Variants in RYR2 observed in about 807,000 individuals in gnomAD.
RYR2 encodes ryanodine receptor 2.
Under a neutral mutation model 601.1 loss-of-function variants are expected in RYR2, and 227 were observed. The observed-to-expected ratio is 0.38, with a 90% CI of 0.34 to 0.42. RYR2 has a LOEUF of 0.42. RYR2 is among the 10% of genes least tolerant of loss of function. RYR2 has a pLI of 1.00. For missense variants in RYR2, 4,646 were observed against 6,156.5 expected (o/e 0.75, Z 8.21); for synonymous variants, 2,223 against 2,175.1 (o/e 1.02, Z -0.61).
At chr1:237,520,934 G>C (rs1667024355) in intron 24 of RYR2, among the ~76,000 whole-genome samples, 1 of 152,052 alleles carries the variant, frequency 6.6e-6, no homozygotes, top group African/African-American at 2.4e-5. Context: ...TACTCAAGGA[G>C]GCTGAGGCAG....
At position 237,163,005 on chromosome 1, in the gene RYR2, G is replaced by A. The variant is rs139257137; in HGVS notation, c.49-107492G>A. Among the ~76,000 whole-genome samples, 480 of 152,296 alleles carry A rather than the reference G, an allele frequency of 3.2e-3. 5 individuals are homozygous for A. Among genetic ancestry groups the A allele is most frequent in the African/African-American group, 0.011 (457 of 41,558 alleles). ...ATCAGAAACTCCATCTGCTTATCCA[G>A]TGCTATTTGATATTATAGTTATTAT... On this transcript the variant is annotated intron_variant, in intron 1 of 104. Transcript: ENST00000366574.
At chr1:237,065,269 CTTTTTTTTT>C (rs766039441) in intron 1 of RYR2, among the ~76,000 whole-genome samples, 1,334 of 77,344 alleles carry the variant, frequency 0.017, 27 homozygotes, top group African/African-American at 0.066. Context: ...GTGTGCTATC[CTTTTTTTTT>C]TTTTTTTTTT....
chr1:237,422,376 C>G (rs1227774758), intron 11 of RYR2, among the ~76,000 whole-genome samples: 1 of 152,136 alleles, frequency 6.6e-6, no homozygotes, highest in African/African-American at 2.4e-5. Context: ...TAACAACATT[C>G]AGTATCCTTC....
At chr1:237,730,163 T>G in intron 76 of RYR2, 97 bp from the exon 77 acceptor site, 1 of 705,416 alleles carries the variant, frequency 1.4e-6, no homozygotes, top group Non-Finnish European at 2.6e-6. Context: ...TATTTTACAC[T>G]TTCAGTGCAC....
intron 1 of RYR2, among the ~76,000 whole-genome samples, chr1:237,126,250 A>T (rs1571930014): frequency 6.6e-6 from 1 of 151,908 alleles, no homozygotes; most frequent in Non-Finnish European, 1.5e-5. Flanking sequence ...AAAAAAAAAA[A>T]AATTGAATAG....
At chr1:237,100,199 A>G (rs1000329361) in intron 1 of RYR2, among the ~76,000 whole-genome samples, 5 of 152,164 alleles carry the variant, frequency 3.3e-5, no homozygotes, top group African/African-American at 4.8e-5. Flanking sequence ...ATAAAATGAA[A>G]AAGCAAAGAA....
chr1:237,574,522 A>G (rs760201671), intron 29 of RYR2, among the ~76,000 whole-genome samples: 12 of 152,214 alleles, frequency 7.9e-5, no homozygotes, highest in Admixed American at 2.0e-4. Flanking sequence ...AGTTAGTCAA[A>G]TAGAGATTAT....
intron 86 of RYR2, among the ~76,000 whole-genome samples, chr1:237,773,052 G>A (rs1022234497): frequency 3.3e-5 from 5 of 152,002 alleles, no homozygotes; most frequent in African/African-American, 1.2e-4. Context: ...GTTTCCTCAG[G>A]GACAGACACA....
At chr1:237,500,601 G>A (rs1664531628) in intron 20 of RYR2, 110 bp from the exon 21 acceptor site, 5 of 805,906 alleles carry the variant, frequency 6.2e-6, no homozygotes, top group Middle Eastern at 2.5e-4. Context: ...TCCTTCTGAT[G>A]TTGTGCATTG....
At chr1:237,748,895 A>G (rs1692304535) in intron 80 of RYR2, among the ~76,000 whole-genome samples, 1 of 152,232 alleles carries the variant, frequency 6.6e-6, no homozygotes, top group Admixed American at 6.5e-5. Flanking sequence ...TAAACAATAC[A>G]GCAGAACAAC....
chr1:237,693,208 G>GT (rs201974638), intron 63 of RYR2, among the ~76,000 whole-genome samples: 5,087 of 140,322 alleles, frequency 0.036, 169 homozygotes, highest in African/African-American at 0.1. Flanking sequence ...TGAGAATCAT[G>GT]TTTTTTTTTT....
intron 1 of RYR2, among the ~76,000 whole-genome samples, chr1:237,095,965 T>C (rs1042992081): frequency 6.6e-6 from 1 of 152,244 alleles, no homozygotes; most frequent in Non-Finnish European, 1.5e-5. Context: ...GGAGCCATTC[T>C]ACTAGAATAG....
intron 6 of RYR2, 117 bp downstream of exon 6, chr1:237,369,725 T>G (rs577275386): frequency 1.3e-6 from 1 of 788,886 alleles, no homozygotes; most frequent in South Asian, 1.8e-5. Flanking sequence ...TGGATGTTTG[T>G]GTTCTTTCAT....
intron 1 of RYR2, among the ~76,000 whole-genome samples, chr1:237,074,538 C>G (rs1210828907): frequency 6.6e-6 from 1 of 152,142 alleles, no homozygotes; most frequent in African/African-American, 2.4e-5. Context: ...AAGTCACCTG[C>G]TTTTGTCTTA....
intron 58 of RYR2, among the ~76,000 whole-genome samples, chr1:237,673,390 T>C (rs905126199): frequency 1.3e-5 from 2 of 152,186 alleles, no homozygotes; most frequent in African/African-American, 4.8e-5. Flanking sequence ...TTTTTCTCCC[T>C]ATTAGTTTTT....
intron 1 of RYR2, among the ~76,000 whole-genome samples, chr1:237,191,644 A>G (rs892345097): frequency 2.0e-5 from 3 of 152,314 alleles, no homozygotes; most frequent in African/African-American, 7.2e-5. Flanking sequence ...CAAACCGTGC[A>G]GTGCAGTCTG....
intron 102 of RYR2, among the ~76,000 whole-genome samples, chr1:237,829,204 G>C (rs1053483572): frequency 6.6e-6 from 1 of 152,190 alleles, no homozygotes; most frequent in South Asian, 2.1e-4. Context: ...TTTAAGCAGA[G>C]CAGCCAGATG....
chr1:237,607,315 A>G (rs552554198), intron 35 of RYR2, among the ~76,000 whole-genome samples: 1 of 152,246 alleles, frequency 6.6e-6, no homozygotes, highest in South Asian at 2.1e-4. Flanking sequence ...TCAGCAAACT[A>G]TCACAAGGAC....
intron 16 of RYR2, among the ~76,000 whole-genome samples, chr1:237,462,216 G>T (rs924126324): frequency 1.1e-4 from 16 of 152,110 alleles, no homozygotes; most frequent in African/African-American, 3.6e-4. Flanking sequence ...CTCTCCTGGG[G>T]TTATATGTGA....
Sources: gnomAD v4.1 joint callset for allele counts (sites outside exome capture counted in the v4.1 genomes callset) on GRCh38, gnomAD v4.1.1 for gene constraint, MANE v1.5 for transcripts, NCBI Gene and HGNC (gene_info 2026-07-23, HGNC 2026-07-21) for gene names.